The following BRINP2 variants were observed in gnomAD, a reference collection of about 807,000 sequenced individuals.
BRINP2 encodes the protein BMP/retinoic acid-inducible neural-specific protein 2.
A neutral mutation model predicts 69.2 loss-of-function variants in BRINP2; 21 were observed. The ratio of observed to expected loss-of-function variants is 0.30; its 90% confidence interval spans 0.22 to 0.44. The LOEUF (loss-of-function observed/expected upper bound fraction) is 0.44. BRINP2 is among the 20% of genes least tolerant of loss of function. The probability of loss-of-function intolerance (pLI) is 1.00; values close to 1 mark genes in which losing one functional copy is unlikely to be tolerated. For synonymous variants in BRINP2, 380 were observed against 394.1 expected (o/e 0.96, Z 0.42); for missense variants, 877 against 986.0 (o/e 0.89, Z 1.48).
intron 1 of BRINP2, among the ~76,000 whole-genome samples, chr1:177,188,510 CAGGGTAG>C (rs879385307): frequency 1.4e-4 from 21 of 152,104 alleles, no homozygotes; most frequent in Admixed American, 7.2e-4. Context: ...ATGGGATGGT[CAGGGTAG>C]ACCTCAAGGA....
chr1:177,246,729 T>G (rs76059253), intron 2 of BRINP2, among the ~76,000 whole-genome samples: 1,863 of 152,338 alleles, frequency 0.012, 36 homozygotes, highest in African/African-American at 0.043. Flanking sequence ...GCTTTAAGAC[T>G]TCCCCCCAAT....
intron 2 of BRINP2, among the ~76,000 whole-genome samples, chr1:177,244,247 A>G (rs1277174247): frequency 6.6e-6 from 1 of 152,264 alleles, no homozygotes; most frequent in Non-Finnish European, 1.5e-5. Context: ...TTGTCTTTAA[A>G]AAATGAGTGT....
In BRINP2 at chr1:177,257,435, C is replaced by G. The variant is rs776679414; in HGVS notation, c.669+51C>G. On this transcript the variant is annotated intron_variant, in intron 4 of 7. Transcript: ENST00000361539. ...GGGGATGGGGGAAGCACTGAGGAAC[C>G]AGGGGGAGGCCAGAGCCTCAACCAT... The G allele has an allele frequency of 2.7e-6, 4 of 1,499,360 alleles. No homozygotes were observed. In the Admixed American group the frequency reaches 6.4e-5, roughly 24 times the overall value. The allele number at this position is 1,499,360 out of a possible 1,614,324, so 92.9% of individuals were successfully genotyped here. A position where few individuals can be genotyped will look rare whatever the true frequency, so the allele number is the denominator to read the frequency against.
Position 177,280,530 on chromosome 1 carries a change from T to G in BRINP2, c.1354T>G (p.Cys452Gly). ...CACCTGCCCCTATGACCAATCTTCC[T>G]GCCAGGGCCCCATCCCATGTGCCTT... Reference protein sequence around the residue: ...SCTCPYDQSSCQGPIPCALGE... With the variant: ...SCTCPYDQSSGQGPIPCALGE... Residue 452 changes from cysteine (C) to glycine (G), a missense_variant, in exon 8 of 8, where the codon TGC (cysteine) becomes GGC (glycine). By Grantham distance (159) the Cys-to-Gly change is radical. Transcript: ENST00000361539. 1 of 1,614,212 alleles carries G rather than the reference T, an allele frequency of 6.2e-7. No homozygotes were observed.
chr1:177,228,400 G>A (rs1442293842), intron 1 of BRINP2, among the ~76,000 whole-genome samples: 1 of 152,148 alleles, frequency 6.6e-6, no homozygotes, highest in African/African-American at 2.4e-5. Flanking sequence ...GCCCCTTTGG[G>A]ATTCACACTG....
chr1:177,252,885 C>A (rs745499528), intron 2 of BRINP2, among the ~76,000 whole-genome samples: 6 of 152,086 alleles, frequency 3.9e-5, no homozygotes, highest in Admixed American at 6.5e-5. Flanking sequence ...ATCCATGTTG[C>A]TGCAGATGAT....
intron 1 of BRINP2, among the ~76,000 whole-genome samples, chr1:177,190,662 T>G (rs527455026): frequency 6.6e-6 from 1 of 152,298 alleles, no homozygotes; most frequent in South Asian, 2.1e-4. Context: ...GACCTTAGTT[T>G]CACAGGACAG....
intron 1 of BRINP2, among the ~76,000 whole-genome samples, chr1:177,217,948 T>C (rs890634820): frequency 6.6e-5 from 10 of 152,188 alleles, no homozygotes; most frequent in Non-Finnish European, 1.3e-4. Flanking sequence ...TTGACCAAGG[T>C]TGCAGAAGAG....
chr1:177,212,219 C>T lies in BRINP2; in HGVS notation c.-76-17582C>T, dbSNP rs568337353. On this transcript the variant is annotated intron_variant, in intron 1 of 7. Coordinates refer to ENST00000361539, the MANE Select transcript of BRINP2 (RefSeq NM_021165.4). ...GAGCCCTTTCAAGGTGGCTCTGTGT[C>T]CTTTTGACATACACCCATTATTTTT... 1.1e-4 allele frequency among the ~76,000 whole-genome samples: 16 copies of T among 152,246 alleles called. No individual in the cohort carries two copies. In the South Asian group the frequency reaches 3.3e-3, roughly 32 times the overall value.
intron 1 of BRINP2, among the ~76,000 whole-genome samples, chr1:177,191,032 T>C (rs1407053406): frequency 6.6e-6 from 1 of 152,208 alleles, no homozygotes; most frequent in Non-Finnish European, 1.5e-5. Flanking sequence ...CACATTCATA[T>C]TGCAAAGGGC....
intron 4 of BRINP2, among the ~76,000 whole-genome samples, chr1:177,266,783 AAG>A (rs1026324107): frequency 2.6e-5 from 4 of 151,308 alleles, no homozygotes; most frequent in Non-Finnish European, 4.4e-5. Context: ...AAAAAAAAGA[AAG>A]AAAAAAAAAA....
chr1:177,176,900 G>A (rs1237089571), intron 1 of BRINP2, among the ~76,000 whole-genome samples: 1 of 152,148 alleles, frequency 6.6e-6, no homozygotes, highest in African/African-American at 2.4e-5. Flanking sequence ...GTTTTTGAAT[G>A]ACAGTAGAAA....
chr1:177,264,945 A>G (rs1421105243), intron 4 of BRINP2, among the ~76,000 whole-genome samples: 2 of 152,190 alleles, frequency 1.3e-5, no homozygotes, highest in Non-Finnish European at 1.5e-5. Context: ...ACAGAGTTAG[A>G]AAAAACTACT....
chr1:177,279,972 G>C (rs956091697), intron 7 of BRINP2, among the ~76,000 whole-genome samples: 1 of 152,156 alleles, frequency 6.6e-6, no homozygotes, highest in Non-Finnish European at 1.5e-5. Flanking sequence ...TTCTGTTCTT[G>C]GTGGAGGAGT....
intron 1 of BRINP2, among the ~76,000 whole-genome samples, chr1:177,209,962 A>T (rs1253052482): frequency 2.0e-5 from 3 of 152,216 alleles, no homozygotes; most frequent in African/African-American, 2.4e-5. Context: ...TTCATTTGCA[A>T]TACTTTTCTT....
chr1:177,229,999 G>A lies in BRINP2; in HGVS notation c.123G>A (p.Val41=), dbSNP rs750937304. ...VLAVSATAAA[V]VPEQHASVAG... ...CTGTCTCAGCCACGGCGGCTGCTGT[G>A]GTCCCCGAGCAGCATGCCTCCGTAG... Residue 41 remains valine (V), a synonymous_variant, in exon 2 of 8, where the codon GTG becomes GTA. Transcript: ENST00000361539. The A allele has an allele frequency of 1.1e-5, 17 of 1,613,504 alleles. No individual in the cohort carries two copies. The highest frequency in any genetic ancestry group is 1.4e-5 in the Non-Finnish European group (17 of 1,179,924).
intron 1 of BRINP2, among the ~76,000 whole-genome samples, chr1:177,218,016 C>T (rs1649427132): frequency 6.6e-6 from 1 of 152,192 alleles, no homozygotes; most frequent in Admixed American, 6.5e-5. Flanking sequence ...AGTAGAAATG[C>T]ATGACTGAGA....
At chr1:177,253,752 T>A (rs1190429282) in intron 2 of BRINP2, among the ~76,000 whole-genome samples, 1 of 152,172 alleles carries the variant, frequency 6.6e-6, no homozygotes, top group African/African-American at 2.4e-5. Flanking sequence ...ATGTGGGTAT[T>A]ATGTTTTTTC....
At chr1:177,266,614 G>T (rs1164257657) in intron 4 of BRINP2, among the ~76,000 whole-genome samples, 2 of 151,806 alleles carry the variant, frequency 1.3e-5, no homozygotes, top group Non-Finnish European at 2.9e-5. Context: ...CAAAAAATTA[G>T]CCGGGCGTGG....
Sources: gnomAD v4.1 joint callset for allele counts (sites outside exome capture counted in the v4.1 genomes callset) on GRCh38, gnomAD v4.1.1 for gene constraint, MANE v1.5 for transcripts, NCBI Gene and HGNC (gene_info 2026-07-23, HGNC 2026-07-21) for gene names.